FAM120C: variants seen among roughly 807,000 people sequenced by gnomAD.
The protein encoded by FAM120C is constitutive coactivator of PPAR-gamma-like protein 2.
In FAM120C, 14 loss-of-function variants were observed where a neutral mutation model predicts 71.2. The ratio of observed to expected loss-of-function variants is 0.20; its 90% CI spans 0.13 to 0.31. The LOEUF is 0.31. FAM120C is among the 10% of genes least tolerant of loss of function. The pLI is 1.00. For synonymous variants in FAM120C, 354 were observed against 353.2 expected (o/e 1.00, Z -0.03); for missense variants, 500 against 879.0 (o/e 0.57, Z 5.45).
chrX:54,095,157 T>C (rs1392496031), intron 10 of FAM120C, among the ~76,000 whole-genome samples: 1 of 111,858 alleles, frequency 8.9e-6, no homozygotes, highest in Non-Finnish European at 1.9e-5. Context: ...TTAGTTACCA[T>C]TTGTAACTGA....
chrX:54,127,982 G>A (rs940238764), intron 9 of FAM120C, among the ~76,000 whole-genome samples: 1 of 110,900 alleles, frequency 9.0e-6, no homozygotes, highest in Non-Finnish European at 1.9e-5. Context: ...TCGTTTTTTA[G>A]TTGAGAAATC....
chrX:54,117,383 A>C (rs782546257), intron 9 of FAM120C, among the ~76,000 whole-genome samples: 24 of 101,020 alleles, frequency 2.4e-4, no homozygotes, highest in African/African-American at 7.6e-4. Flanking sequence ...ATAAAATAAA[A>C]TAAAATAAAA....
At chrX:54,174,907 C>A (rs1397752469) in intron 1 of FAM120C, among the ~76,000 whole-genome samples, 5 of 111,680 alleles carry the variant, frequency 4.5e-5, no homozygotes, top group African/African-American at 1.6e-4. Flanking sequence ...TTCTGGTATG[C>A]AAATCCTGGT....
At chrX:54,110,782 G>A (rs1557125571) in intron 10 of FAM120C, among the ~76,000 whole-genome samples, 1 of 110,863 alleles carries the variant, frequency 9.0e-6, no homozygotes, top group African/African-American at 3.3e-5. Flanking sequence ...GGGCATGGCC[G>A]GGTGCAGTGG....
intron 8 of FAM120C, among the ~76,000 whole-genome samples, chrX:54,133,514 C>T (rs782251567): frequency 5.4e-5 from 6 of 111,569 alleles, no homozygotes; most frequent in Non-Finnish European, 9.4e-5. Flanking sequence ...TCCCTAGAAC[C>T]AGACCAACTT....
At chrX:54,111,210 G>A (rs183403382) in intron 10 of FAM120C, among the ~76,000 whole-genome samples, 122 of 110,487 alleles carry the variant, frequency 1.1e-3, no homozygotes, top group African/African-American at 3.9e-3. Flanking sequence ...GACAGAGCAG[G>A]ATCCTGTCTC....
At chrX:54,135,697 TTAATA>T in intron 5 of FAM120C, 93 bp from the exon 6 acceptor site, 1 of 672,205 alleles carries the variant, frequency 1.5e-6, no homozygotes, top group Non-Finnish European at 2.3e-6. Flanking sequence ...AAAAGTGTTA[TTAATA>T]AATAAGTTAC....
intron 1 of FAM120C, among the ~76,000 whole-genome samples, chrX:54,181,047 TG>T (rs1557137331): frequency 9.2e-6 from 1 of 108,215 alleles, no homozygotes; most frequent in Non-Finnish European, 1.9e-5. Flanking sequence ...TAACCTTGTA[TG>T]AGATAGCTCA....
intron 10 of FAM120C, among the ~76,000 whole-genome samples, chrX:54,109,812 G>A (rs927628603): frequency 1.9e-5 from 2 of 103,131 alleles, no homozygotes; most frequent in African/African-American, 7.0e-5. Context: ...GCGAGACTCC[G>A]TCTAAAAAAA....
chrX:54,089,049 CA>C (rs1199169042), intron 11 of FAM120C, among the ~76,000 whole-genome samples: 1 of 110,336 alleles, frequency 9.1e-6, no homozygotes, highest in Non-Finnish European at 1.9e-5. Context: ...ACTCTGTCTC[CA>C]AAAAAACCTC....
At chrX:54,130,342 C>T (rs998499525) in intron 9 of FAM120C, among the ~76,000 whole-genome samples, 7 of 111,360 alleles carry the variant, frequency 6.3e-5, no homozygotes, top group Non-Finnish European at 1.3e-4. Context: ...AACTGTTTAT[C>T]AAAGCATTTT....
intron 9 of FAM120C, among the ~76,000 whole-genome samples, chrX:54,117,394 TA>T (rs2066976033): frequency 2.0e-5 from 2 of 102,358 alleles, no homozygotes; most frequent in African/African-American, 7.1e-5. Context: ...TAAAATAAAA[TA>T]AAATAAAATA....
At chrX:54,093,490 C>T (rs782213927) in intron 10 of FAM120C, among the ~76,000 whole-genome samples, 1 of 111,953 alleles carries the variant, frequency 8.9e-6, no homozygotes, top group Admixed American at 9.6e-5. Flanking sequence ...TTGGTTTACA[C>T]TTTAATGTTA....
chrX:54,134,500 T>A (rs2067084482), intron 7 of FAM120C, among the ~76,000 whole-genome samples: 1 of 111,582 alleles, frequency 9.0e-6, no homozygotes, highest in Admixed American at 9.6e-5. Flanking sequence ...TTCCACTCTA[T>A]AAATGCTTTT....
chrX:54,073,133 T>A lies in FAM120C; in HGVS notation c.3191A>T (p.Glu1064Val), dbSNP rs1229534386. Residue 1064 changes from glutamate (E) to valine (V), a missense_variant, in exon 16 of 16, where the codon GAG (glutamate) becomes GTG (valine). Physicochemically the swap from Glu to Val is moderately radical, Grantham distance 121. Transcript: ENST00000375180. ...SQCALSRDSN[E>V]CNNGNRYLPM... ...GAGGTAGCGGTTACCATTATTACAC[T>A]CATTGCTGTCTCTGGATAAGGCACA... 8.3e-7 allele frequency: 1 copy of A among 1,209,541 alleles called. No homozygotes were observed. Among genetic ancestry groups the A allele is most frequent in the Non-Finnish European group, 1.1e-6 (1 of 895,075 alleles).
intron 10 of FAM120C, among the ~76,000 whole-genome samples, chrX:54,107,286 G>A (rs2066911744): frequency 9.2e-6 from 1 of 108,547 alleles, no homozygotes; most frequent in Non-Finnish European, 1.9e-5. Context: ...TACTAGCGAC[G>A]GGGTTTCGCC....
intron 15 of FAM120C, among the ~76,000 whole-genome samples, chrX:54,075,087 G>A (rs2066728520): frequency 9.0e-6 from 1 of 111,550 alleles, no homozygotes; most frequent in African/African-American, 3.3e-5. Context: ...AAGCTTGGGA[G>A]GTCCAGGCTA....
At chrX:54,148,538 T>A (rs1460357045) in intron 4 of FAM120C, among the ~76,000 whole-genome samples, 1 of 111,483 alleles carries the variant, frequency 9.0e-6, no homozygotes, top group Non-Finnish European at 1.9e-5. Context: ...TCCGAGCTAC[T>A]TGGGAGGCTG....
intron 1 of FAM120C, among the ~76,000 whole-genome samples, chrX:54,179,422 G>C (rs1357470190): frequency 8.9e-6 from 1 of 111,822 alleles, no homozygotes; most frequent in African/African-American, 3.3e-5. Flanking sequence ...TCAGTCAAAA[G>C]AAATAGTAGG....
Sources: allele counts gnomAD v4.1 joint callset (sites outside exome capture counted in the v4.1 genomes callset), GRCh38; gene constraint gnomAD v4.1.1; transcripts MANE v1.5; gene names NCBI Gene and HGNC (gene_info 2026-07-23, HGNC 2026-07-21).